The following TMTC2 variants were observed in gnomAD, a reference collection of about 807,000 sequenced individuals.
TMTC2 encodes transmembrane O-mannosyltransferase targeting cadherins 2.
In TMTC2, 43 loss-of-function variants were observed where a neutral mutation model predicts 82.4. That is an observed-to-expected ratio of 0.52 (90% CI 0.41 to 0.67). The LOEUF is 0.67. Ranked by LOEUF, TMTC2 falls within the 30% of genes least tolerant of loss-of-function variation. The pLI, the probability that TMTC2 is intolerant of heterozygous loss-of-function variation, is 0.00. For synonymous variants in TMTC2, 408 were observed against 381.9 expected, an observed-to-expected ratio of 1.07 and a Z score of -0.80; for missense variants, 919 against 1,012.4, an observed-to-expected ratio of 0.91 and a Z score of 1.25.
At chr12:82,693,898 G>T (rs1278538667) in intron 1 of TMTC2, among the ~76,000 whole-genome samples, 2 of 150,514 alleles carry the variant, frequency 1.3e-5, no homozygotes, top group Admixed American at 1.3e-4. Flanking sequence ...AAACTGGAAG[G>T]CGGAGGATGC....
chr12:82,925,837 A>G (rs1446113181), intron 3 of TMTC2, among the ~76,000 whole-genome samples: 4 of 152,292 alleles, frequency 2.6e-5, no homozygotes, highest in East Asian at 3.9e-4. Context: ...TAATTTTCCA[A>G]TGGCCTTGAA....
intron 1 of TMTC2, among the ~76,000 whole-genome samples, chr12:82,846,501 GC>G (rs1870691390): frequency 6.6e-6 from 1 of 152,060 alleles, no homozygotes; most frequent in African/African-American, 2.4e-5. Context: ...TGCAGCTGGG[GC>G]CATTTTTAAT....
At chr12:83,054,717 TTTTA>T (rs1029822438) in intron 10 of TMTC2, among the ~76,000 whole-genome samples, 7 of 151,572 alleles carry the variant, frequency 4.6e-5, no homozygotes, top group African/African-American at 1.7e-4. Context: ...CTATATATAA[TTTTA>T]TTTGTGTATA....
At chr12:82,904,566 TG>T (rs1874188573) in intron 3 of TMTC2, among the ~76,000 whole-genome samples, 1 of 152,214 alleles carries the variant, frequency 6.6e-6, no homozygotes, top group South Asian at 2.1e-4. Context: ...TAGACATAGT[TG>T]ATTACTGTAG....
intron 1 of TMTC2, among the ~76,000 whole-genome samples, chr12:82,801,231 C>T (rs1222210104): frequency 2.0e-5 from 3 of 152,120 alleles, no homozygotes; most frequent in South Asian, 2.1e-4. Context: ...GTGAGTGTTA[C>T]AGTTCTTAAA....
At chr12:82,880,890 T>C (rs553390783) in intron 2 of TMTC2, among the ~76,000 whole-genome samples, 29 of 152,340 alleles carry the variant, frequency 1.9e-4, no homozygotes, top group African/African-American at 7.0e-4. Flanking sequence ...TAATTTTAAA[T>C]AATTAGGGCA....
intron 11 of TMTC2, among the ~76,000 whole-genome samples, chr12:83,119,078 T>C (rs771780177): frequency 1.3e-5 from 2 of 152,208 alleles, no homozygotes; most frequent in African/African-American, 4.8e-5. Context: ...TCTATCGATT[T>C]TATATATCTT....
At chr12:82,803,477 T>C (rs1488570973) in intron 1 of TMTC2, among the ~76,000 whole-genome samples, 1 of 152,110 alleles carries the variant, frequency 6.6e-6, no homozygotes, top group East Asian at 1.9e-4. Flanking sequence ...TGATAATTGA[T>C]CTCAGGTGCC....
chr12:82,844,840 C>G (rs1870549133), intron 1 of TMTC2, among the ~76,000 whole-genome samples: 1 of 151,522 alleles, frequency 6.6e-6, no homozygotes, highest in Non-Finnish European at 1.5e-5. Context: ...AGAGCTCATT[C>G]ATTTTTGAAA....
chr12:83,103,367 G>C (rs1211544673), intron 11 of TMTC2, among the ~76,000 whole-genome samples: 1 of 152,168 alleles, frequency 6.6e-6, no homozygotes, highest in African/African-American at 2.4e-5. Flanking sequence ...ATAAAGAAAA[G>C]AGGTTTAATT....
chr12:82,725,249 T>C (rs1356935875), intron 1 of TMTC2, among the ~76,000 whole-genome samples: 2 of 152,152 alleles, frequency 1.3e-5, no homozygotes, highest in Non-Finnish European at 2.9e-5. Context: ...AAAAATACCT[T>C]GCTAATCTGT....
chr12:82,687,364 T>C lies in TMTC2; in HGVS notation c.-223T>C. 1 of 574,398 alleles carries C rather than the reference T, an allele frequency of 1.7e-6. No individual in the cohort carries two copies. The highest frequency in any genetic ancestry group is 3.1e-6 in the Non-Finnish European group (1 of 322,570). The allele number at this position is 574,398 out of a possible 1,614,324, so 35.6% of individuals were successfully genotyped here. A position where few individuals can be genotyped will look rare whatever the true frequency, so the allele number is the denominator to read the frequency against. ...CGGGCGCCGGGCATGGGGAGTGTGG[T>C]GTGAGCCCGCACCCGGGGAGGACGC... On this transcript the variant is annotated 5_prime_UTR_variant, in exon 1 of 12. Coordinates refer to ENST00000321196, the MANE Select transcript of TMTC2 (RefSeq NM_152588.3).
chr12:83,048,594 C>T (rs185465102), intron 9 of TMTC2, among the ~76,000 whole-genome samples: 17 of 152,256 alleles, frequency 1.1e-4, no homozygotes, highest in African/African-American at 3.6e-4. Context: ...TCTTTATAAT[C>T]GTAGGCTTAC....
At chr12:82,918,868 C>G (rs1875194904) in intron 3 of TMTC2, among the ~76,000 whole-genome samples, 1 of 152,036 alleles carries the variant, frequency 6.6e-6, no homozygotes, top group Admixed American at 6.6e-5. Flanking sequence ...AGTGATTCTT[C>G]TGCCTCAGCC....
At chr12:82,756,100 G>C (rs1876309209) in intron 1 of TMTC2, among the ~76,000 whole-genome samples, 1 of 152,092 alleles carries the variant, frequency 6.6e-6, no homozygotes, top group African/African-American at 2.4e-5. Flanking sequence ...AAAATTATCT[G>C]TAAAACTATC....
At chr12:82,690,432 CTCAAGGTTA>C (rs1872527093) in intron 1 of TMTC2, 1 of 981,464 alleles carries the variant, frequency 1.0e-6, no homozygotes, top group Admixed American at 6.2e-5. Context: ...TGTGGTACTT[CTCAAGGTTA>C]TCATTTCTTT....
At chr12:82,882,151 C>A (rs565511331) in intron 2 of TMTC2, among the ~76,000 whole-genome samples, 15 of 150,070 alleles carry the variant, frequency 1.0e-4, no homozygotes, top group Middle Eastern at 3.4e-3. Context: ...AGGCGCCCGC[C>A]ACTACGCCCA....
At chr12:82,888,076 T>C (rs1393981172) in intron 2 of TMTC2, among the ~76,000 whole-genome samples, 1 of 151,966 alleles carries the variant, frequency 6.6e-6, no homozygotes, top group Admixed American at 6.5e-5. Flanking sequence ...CGAAACTCTA[T>C]CTCAAAAAAA....
intron 2 of TMTC2, among the ~76,000 whole-genome samples, chr12:82,881,261 G>A (rs1872810616): frequency 6.6e-6 from 1 of 152,200 alleles, no homozygotes; most frequent in South Asian, 2.1e-4. Flanking sequence ...TATTCAAATG[G>A]AGAATGAATA....
Sources: allele counts gnomAD v4.1 joint callset (sites outside exome capture counted in the v4.1 genomes callset), GRCh38; gene constraint gnomAD v4.1.1; transcripts MANE v1.5; gene names NCBI Gene and HGNC (gene_info 2026-07-23, HGNC 2026-07-21).